The following ATRNL1 variants were observed in gnomAD, a reference collection of about 807,000 sequenced individuals.
ATRNL1 encodes attractin-like protein 1.
A neutral mutation model predicts 182.7 loss-of-function variants in ATRNL1; 95 were observed. That is an observed-to-expected ratio of 0.52 (90% CI 0.44 to 0.62). The LOEUF (loss-of-function observed/expected upper bound fraction) is 0.62, where lower values mean the gene tolerates loss of function less well. Among genes scored for constraint, ATRNL1 ranks in the 20% least tolerant of loss-of-function variants. The pLI, the probability that ATRNL1 is intolerant of heterozygous loss-of-function variation, is 0.00. For synonymous variants in ATRNL1, 576 were observed against 568.3 expected (o/e 1.01, Z -0.19); for missense variants, 1,471 against 1,679.5 (o/e 0.88, Z 2.17).
intron 27 of ATRNL1, among the ~76,000 whole-genome samples, chr10:115,765,958 CCTT>C (rs1408825622): frequency 1.2e-5 from 1 of 85,230 alleles, no homozygotes; most frequent in African/African-American, 4.3e-5. Flanking sequence ...GTCCAGCTCT[CCTT>C]ATTAACCATC....
chr10:115,224,355 T>C (rs1849612082), intron 9 of ATRNL1, among the ~76,000 whole-genome samples: 1 of 152,080 alleles, frequency 6.6e-6, no homozygotes, highest in African/African-American at 2.4e-5. Flanking sequence ...AATGCATTTA[T>C]TAGAAATGAT....
intron 27 of ATRNL1, among the ~76,000 whole-genome samples, chr10:115,779,254 A>C (rs1401249754): frequency 6.6e-6 from 1 of 152,310 alleles, no homozygotes; most frequent in Non-Finnish European, 1.5e-5. Flanking sequence ...AGTTTTATAC[A>C]TGTTAAATGT....
intron 8 of ATRNL1, among the ~76,000 whole-genome samples, chr10:115,201,590 A>G (rs568859704): frequency 1.3e-5 from 2 of 152,118 alleles, no homozygotes; most frequent in African/African-American, 2.4e-5. Context: ...ATTGATCTAT[A>G]TCTCTGTTTT....
At chr10:115,897,196 A>G (rs1952229999) in intron 28 of ATRNL1, among the ~76,000 whole-genome samples, 1 of 152,228 alleles carries the variant, frequency 6.6e-6, no homozygotes, top group South Asian at 2.1e-4. Flanking sequence ...AATATATTCA[A>G]TCTTGCTAAT....
intron 10 of ATRNL1, among the ~76,000 whole-genome samples, chr10:115,243,914 G>T (rs1554903524): frequency 6.6e-6 from 1 of 152,012 alleles, no homozygotes; most frequent in Non-Finnish European, 1.5e-5. Context: ...TCTCAAAAAT[G>T]TTCTCTAAAA....
At chr10:115,509,298 A>C (rs1850269985) in intron 24 of ATRNL1, among the ~76,000 whole-genome samples, 1 of 152,008 alleles carries the variant, frequency 6.6e-6, no homozygotes, top group African/African-American at 2.4e-5. Flanking sequence ...ATGCTGTTTC[A>C]TGCCTGCTAA....
chr10:115,651,979 C>T (rs1245014625), intron 26 of ATRNL1, among the ~76,000 whole-genome samples: 1 of 152,062 alleles, frequency 6.6e-6, no homozygotes, highest in East Asian at 1.9e-4. Flanking sequence ...ACTGTAGTAA[C>T]CCTGTTTAAA....
At chr10:115,179,904 C>T (rs1554887584) in intron 8 of ATRNL1, among the ~76,000 whole-genome samples, 1 of 152,054 alleles carries the variant, frequency 6.6e-6, no homozygotes, top group East Asian at 1.9e-4. Context: ...TCAAGAGTAG[C>T]TGTTCCAGTT....
chr10:115,698,537 T>C (rs1946632814), intron 26 of ATRNL1, among the ~76,000 whole-genome samples: 1 of 152,160 alleles, frequency 6.6e-6, no homozygotes, highest in Admixed American at 6.5e-5. Flanking sequence ...CCCAGCACTT[T>C]GGGAGTCCGA....
chr10:115,560,133 A>C (rs1379920457), intron 26 of ATRNL1, among the ~76,000 whole-genome samples: 6 of 152,234 alleles, frequency 3.9e-5, no homozygotes, highest in African/African-American at 1.4e-4. Flanking sequence ...TCAATTCAAA[A>C]TAGCATCAAT....
intron 26 of ATRNL1, among the ~76,000 whole-genome samples, chr10:115,679,594 A>C (rs1156600843): frequency 6.6e-6 from 1 of 152,148 alleles, no homozygotes; most frequent in South Asian, 2.1e-4. Flanking sequence ...CATTTTATCC[A>C]GTTGAAATGT....
chr10:115,534,918 A>T (rs1188799664), intron 25 of ATRNL1, among the ~76,000 whole-genome samples: 3 of 152,168 alleles, frequency 2.0e-5, no homozygotes, highest in Non-Finnish European at 4.4e-5. Flanking sequence ...TTTCTTTAAG[A>T]ATGTTGTCCT....
At chr10:115,330,442 G>T (rs192411058) in intron 18 of ATRNL1, among the ~76,000 whole-genome samples, 1,957 of 152,044 alleles carry the variant, frequency 0.013, 37 homozygotes, top group African/African-American at 0.044. Context: ...AACAACTCCT[G>T]AAAGTATTTT....
At chr10:115,452,114 G>C (rs1442787423) in intron 21 of ATRNL1, among the ~76,000 whole-genome samples, 1 of 152,126 alleles carries the variant, frequency 6.6e-6, no homozygotes, top group East Asian at 1.9e-4. Flanking sequence ...CTTGAGTGTG[G>C]AGAATGGGAA....
At chr10:115,842,125 C>T (rs1950823492) in intron 27 of ATRNL1, among the ~76,000 whole-genome samples, 1 of 112,896 alleles carries the variant, frequency 8.9e-6, no homozygotes, top group Admixed American at 1.1e-4. Flanking sequence ...TAATATTTCA[C>T]TCATATATCA....
At chr10:115,435,028 A>C (rs1431586943) in intron 21 of ATRNL1, among the ~76,000 whole-genome samples, 1 of 144,572 alleles carries the variant, frequency 6.9e-6, no homozygotes, top group Non-Finnish European at 1.5e-5. Context: ...AAAACCTGGG[A>C]CTTTTTTTTT....
chr10:115,210,358 G>A (rs1186070365), intron 8 of ATRNL1, among the ~76,000 whole-genome samples: 2 of 151,768 alleles, frequency 1.3e-5, no homozygotes, highest in African/African-American at 4.8e-5. Flanking sequence ...GTGTGTGTGT[G>A]TGCCTATTTC....
At chr10:115,344,795 G>A (rs1026640814) in intron 19 of ATRNL1, among the ~76,000 whole-genome samples, 9 of 152,190 alleles carry the variant, frequency 5.9e-5, no homozygotes, top group African/African-American at 1.4e-4. Context: ...AACATAGAAC[G>A]TGGGTATTGC....
In ATRNL1 at chr10:115,181,278, TCAGAGATAAGAACATTGA is replaced by T. The variant is rs1847736197; in HGVS notation, c.1348+9990_1348+10007del. 2.0e-5 allele frequency among the ~76,000 whole-genome samples: 3 copies of T among 151,826 alleles called. No individual in the cohort carries two copies. In the South Asian group the frequency reaches 6.2e-4, roughly 31 times the overall value. On this transcript the variant is annotated intron_variant, in intron 8 of 28. Transcript: ENST00000355044. Reference sequence around the variant, plus strand: ...GGGAGAAGGGAGAGGAAAGGGGAAATCAGAGATAAGAACATTGACAGCTGCATATGTAATAGATAGGAA... The same window carrying T: ...GGGAGAAGGGAGAGGAAAGGGGAAATCAGCTGCATATGTAATAGATAGGAA...
Sources: gnomAD v4.1 joint callset for allele counts (sites outside exome capture counted in the v4.1 genomes callset) on GRCh38, gnomAD v4.1.1 for gene constraint, MANE v1.5 for transcripts, NCBI Gene and HGNC (gene_info 2026-07-23, HGNC 2026-07-21) for gene names.